GASK1A: variants seen among roughly 807,000 people sequenced by gnomAD.
GASK1A encodes golgi associated kinase 1A.
Under a neutral mutation model 41.2 loss-of-function variants are expected in GASK1A, and 40 were observed. That is an observed-to-expected ratio of 0.97 (90% confidence interval 0.75 to 1.27). GASK1A has a LOEUF of 1.27. GASK1A is among the 50% of genes most tolerant of loss of function. The pLI is 0.00. For synonymous variants in GASK1A, 316 were observed against 307.1 expected, an observed-to-expected ratio of 1.03 and a Z score of -0.30; for missense variants, 678 against 745.1, an observed-to-expected ratio of 0.91 and a Z score of 1.05.
chr3:43,003,524 G>A (rs1336650261), intron 1 of GASK1A, among the ~76,000 whole-genome samples: 1 of 149,464 alleles, frequency 6.7e-6, no homozygotes, highest in Non-Finnish European at 1.5e-5. Context: ...ATAGATGATA[G>A]ACAGAATCAA....
intron 1 of GASK1A, among the ~76,000 whole-genome samples, chr3:43,027,605 T>C (rs936596303): frequency 2.0e-5 from 3 of 152,238 alleles, no homozygotes; most frequent in African/African-American, 7.2e-5. Flanking sequence ...TTTAATATTG[T>C]TCTTTTTAGG....
chr3:43,026,850 A>G (rs1303398010), intron 1 of GASK1A, among the ~76,000 whole-genome samples: 3 of 152,224 alleles, frequency 2.0e-5, no homozygotes, highest in African/African-American at 7.2e-5. Context: ...GAAATATTTA[A>G]TATTTAGCTC....
rs7638387 is a variant in GASK1A, at chr3:43,053,818, G to A, written c.1413+175G>A. 3.1e-3 allele frequency: 2,570 copies of A among 816,518 alleles called. 46 individuals are homozygous for A. The African/African-American group carries it at 0.038, about 12-fold the overall frequency. The allele number at this position is 816,518 out of a possible 1,614,324, so 50.6% of individuals were successfully genotyped here. A position where few individuals can be genotyped will look rare whatever the true frequency, so the allele number is the denominator to read the frequency against. On this transcript the variant is annotated intron_variant, in intron 3 of 4. Coordinates refer to ENST00000430121, the MANE Select transcript of GASK1A (RefSeq NM_001129908.3). ...TTTCCAGGAGTCCGCAATATATAAA[G>A]CTGACAAAATGGAGCTTTAAGAATG...
chr3:43,021,669 GAT>G (rs532831135), intron 1 of GASK1A, among the ~76,000 whole-genome samples: 91 of 152,324 alleles, frequency 6.0e-4, no homozygotes, highest in African/African-American at 2.0e-3. Flanking sequence ...GGAGGGAGAA[GAT>G]ATCTCTTTCT....
intron 1 of GASK1A, among the ~76,000 whole-genome samples, chr3:43,014,885 A>G (rs1238115327): frequency 4.7e-5 from 7 of 148,486 alleles, no homozygotes. Flanking sequence ...GCACTGTGAA[A>G]TCACAGGAAG....
intron 1 of GASK1A, among the ~76,000 whole-genome samples, chr3:43,002,069 G>A (rs746222972): frequency 1.3e-5 from 2 of 152,212 alleles, no homozygotes; most frequent in Non-Finnish European, 2.9e-5. Context: ...CTATTCTGGT[G>A]TTAATCATTA....
chr3:43,055,468 G>A lies in GASK1A; in HGVS notation c.1450G>A (p.Asp484Asn), dbSNP rs759000410. The A allele has an allele frequency of 5.8e-5, 90 of 1,551,804 alleles. No homozygotes were observed. In the South Asian group the frequency reaches 7.1e-4, roughly 12 times the overall value. Residue 484 changes from aspartate (D) to asparagine (N), a missense_variant, in exon 4 of 5, where the codon GAT becomes AAT. Asp to Asn is a conservative substitution (Grantham distance 23, BLOSUM62 1). Transcript: ENST00000430121. Reference protein sequence around the residue: ...SSDPSHLVYIDNAGNLQHPED... With the variant: ...SSDPSHLVYINNAGNLQHPED... ...CGATCCATCTCACCTGGTCTACATCGATAACGCTGGCAACCTTCAGCACCC... is the reference window on the plus strand; with the variant it reads ...CGATCCATCTCACCTGGTCTACATCAATAACGCTGGCAACCTTCAGCACCC...
intron 1 of GASK1A, among the ~76,000 whole-genome samples, chr3:42,979,860 C>G (rs1339512141): frequency 6.6e-6 from 1 of 152,124 alleles, no homozygotes; most frequent in Non-Finnish European, 1.5e-5. Context: ...GTGGGGCGGA[C>G]CGTAATAAGG....
At chr3:43,002,063 T>C (rs568350443) in intron 1 of GASK1A, among the ~76,000 whole-genome samples, 25 of 152,306 alleles carry the variant, frequency 1.6e-4, no homozygotes, top group Middle Eastern at 3.4e-3. Context: ...AGCTTACTAT[T>C]CTGGTGTTAA....
intron 2 of GASK1A, among the ~76,000 whole-genome samples, chr3:43,046,229 G>A (rs1448744029): frequency 6.6e-6 from 1 of 152,188 alleles, no homozygotes; most frequent in African/African-American, 2.4e-5. Flanking sequence ...GAATCGCTTT[G>A]AACAAAATGT....
Position 42,984,314 on chromosome 3 carries a change from T to TCTC in GASK1A, c.3+4669_3+4670insCTC. Among the ~76,000 whole-genome samples the TCTC allele has an allele frequency of 1.2e-5, 1 of 85,034 alleles. No individual in the cohort carries two copies. The highest frequency in any genetic ancestry group is 2.7e-5 in the Non-Finnish European group (1 of 37,130). 55.8% of individuals were successfully genotyped at this position (85,034 alleles called of 152,430 possible). On this transcript the variant is annotated intron_variant, in intron 1 of 4. Coordinates refer to ENST00000430121, the MANE Select transcript of GASK1A (RefSeq NM_001129908.3). The surrounding 1 kb of genome is among the most constrained non-coding windows in gnomAD (Gnocchi z 4.2). ...ACTTCCTATCTCTCTCTCTCTCTCTTTCTCTCTCTCTCACACACACACACG... is the reference window on the plus strand; with the variant it reads ...ACTTCCTATCTCTCTCTCTCTCTCTTCTCTCTCTCTCTCTCACACACACACACG...
rs767825135 is a variant in GASK1A at position 42,984,412 on chromosome 3, A to T, written c.3+4767A>T. Among the ~76,000 whole-genome samples, 1 of 152,142 alleles carries T rather than the reference A, an allele frequency of 6.6e-6. No individual in the cohort carries two copies. The highest frequency in any genetic ancestry group is 1.5e-5 in the Non-Finnish European group (1 of 68,026). ...CACACACACACTCACGCATGCACAC[A>T]TACTCTTGGGAGTGGCCTGGGATCT... On this transcript the variant is annotated intron_variant, in intron 1 of 4. Coordinates refer to ENST00000430121, the MANE Select transcript of GASK1A (RefSeq NM_001129908.3). This position sits in a 1 kb window ranked among gnomAD's most constrained non-coding sequence, Gnocchi z 4.2.
intron 1 of GASK1A, among the ~76,000 whole-genome samples, chr3:43,013,503 G>A (rs1248613304): frequency 2.0e-5 from 3 of 151,758 alleles, no homozygotes; most frequent in African/African-American, 7.3e-5. Flanking sequence ...AAGGGGCTGT[G>A]TGAAGCCACA....
chr3:42,988,162 T>C (rs834179), intron 1 of GASK1A, among the ~76,000 whole-genome samples: 145,537 of 152,162 alleles, frequency 0.96, 69,839 homozygotes, highest in East Asian at 1. Flanking sequence ...CCCAGCTGAC[T>C]ACCACTGCTG....
At chr3:42,997,037 C>T (rs931080728) in intron 1 of GASK1A, among the ~76,000 whole-genome samples, 1 of 152,220 alleles carries the variant, frequency 6.6e-6, no homozygotes, top group South Asian at 2.1e-4. Context: ...CTTCATAGGC[C>T]GAGCAGTTTC....
At chr3:43,029,049 G>A (rs1452831090) in intron 1 of GASK1A, among the ~76,000 whole-genome samples, 4 of 152,138 alleles carry the variant, frequency 2.6e-5, no homozygotes, top group Admixed American at 6.5e-5. Context: ...GGGTGCCAGA[G>A]GCCAGAGGGG....
chr3:43,025,708 C>T (rs900319819), intron 1 of GASK1A, among the ~76,000 whole-genome samples: 11 of 152,138 alleles, frequency 7.2e-5, no homozygotes, highest in South Asian at 2.1e-4. Context: ...GGTGCTGTGG[C>T]TCCTGAGCAC....
At chr3:43,050,272 G>A (rs961163213) in intron 2 of GASK1A, among the ~76,000 whole-genome samples, 54 of 151,996 alleles carry the variant, frequency 3.6e-4, no homozygotes, top group African/African-American at 1.3e-3. Context: ...ATTTTTGAAG[G>A]ATAGTTTTGC....
At chr3:43,051,115 T>C (rs2089686488) in intron 2 of GASK1A, among the ~76,000 whole-genome samples, 1 of 152,256 alleles carries the variant, frequency 6.6e-6, no homozygotes, top group Non-Finnish European at 1.5e-5. Context: ...TTAAATAATA[T>C]AAGGTGGCCA....
Sources: allele counts gnomAD v4.1 joint callset (sites outside exome capture counted in the v4.1 genomes callset), GRCh38; gene constraint gnomAD v4.1.1; non-coding constraint Gnocchi (gnomAD v3.1); transcripts MANE v1.5; gene names NCBI Gene and HGNC (gene_info 2026-07-23, HGNC 2026-07-21).